Variants in CCDC154 observed in about 807,000 individuals in gnomAD.
CCDC154 encodes coiled-coil domain-containing protein 154.
Under a neutral mutation model 87.5 loss-of-function variants are expected in CCDC154, and 91 were observed. The ratio of observed to expected loss-of-function variants is 1.04; its 90% CI spans 0.88 to 1.24. The LOEUF is 1.24. Ranked by LOEUF, CCDC154 falls within the 50% of genes most tolerant of loss-of-function variation. CCDC154 has a pLI of 0.00. For synonymous variants in CCDC154, 418 were observed against 400.4 expected, an observed-to-expected ratio of 1.04 and a Z score of -0.52; for missense variants, 903 against 879.2, an observed-to-expected ratio of 1.03 and a Z score of -0.34.
At chr16:1,442,285 G>T in intron 6 of CCDC154, 121 bp downstream of exon 6, 1 of 1,147,106 alleles carries the variant, frequency 8.7e-7, no homozygotes, top group Non-Finnish European at 1.2e-6. Flanking sequence ...AACTATAGCT[G>T]ATTTCAGTGG....
chr16:1,437,416 A>G (rs2038511955), intron 11 of CCDC154: 2 of 198,092 alleles, frequency 1.0e-5, no homozygotes, highest in African/African-American at 4.7e-5. Flanking sequence ...ATGCTCTGAA[A>G]CTGTGAATAG....
At position 1,443,498 on chromosome 16, in the gene CCDC154, C is replaced by T; in HGVS notation, c.414+8G>A. On this transcript the variant is annotated splice_region_variant and intron_variant, in intron 3 of 16. Transcript: ENST00000389176. ...GCAGCTCGACCTGTGGGTGGGGGAG[C>T]CGCTCACCTCCGGCGCCTCCTTTTC... 1 of 1,454,156 alleles carries T rather than the reference C, an allele frequency of 6.9e-7. No individual in the cohort carries two copies. The allele number at this position is 1,454,156 out of a possible 1,614,324, so 90.1% of individuals were successfully genotyped here.
chr16:1,444,215 A>G lies in CCDC154; in HGVS notation c.7+101T>C, dbSNP rs953331549. 1.8e-5 allele frequency: 22 copies of G among 1,216,230 alleles called. No homozygotes were observed. In the African/African-American group the frequency reaches 3.1e-4, roughly 17 times the overall value. 75.3% of individuals were successfully genotyped at this position (1,216,230 alleles called of 1,614,324 possible). A position where few individuals can be genotyped will look rare whatever the true frequency, so the allele number is the denominator to read the frequency against. On this transcript the variant is annotated intron_variant, in intron 1 of 16. Transcript: ENST00000389176. ...AGACACACAGCACTGGGCGGCAGGA[A>G]CAAGCGAGCTGGAGGGAGCCCGGGG... is the stretch of plus-strand genomic sequence containing the variant.
In CCDC154 at chr16:1,434,427, G is replaced by A. The variant is rs2038479038; in HGVS notation, c.1985C>T (p.Ser662Leu). 1.9e-6 allele frequency: 3 copies of A among 1,550,284 alleles called. No homozygotes were observed. Among genetic ancestry groups the A allele is most frequent in the Non-Finnish European group, 2.6e-6 (3 of 1,146,918 alleles). The change falls in exon 17 of 17, where the codon TCA becomes TTA. Residue 662 changes from serine to leucine, a missense_variant. By Grantham distance (145) the Ser-to-Leu change is moderately radical. Coordinates refer to ENST00000389176, the MANE Select transcript of CCDC154 (RefSeq NM_001143980.3). ...SQEQVQQLTP[S>L]LFIQK The stretch of plus-strand genomic sequence containing the variant: ...GCACGTTTATTTCTGGATAAACAGT[G>A]AGGGTGTGAGCTGCTGCACCTGCTC...
chr16:1,437,515 G>A (rs900681649), intron 11 of CCDC154: 2 of 394,320 alleles, frequency 5.1e-6, no homozygotes, highest in Middle Eastern at 6.6e-4. Flanking sequence ...AAGAGCACGA[G>A]GGGTGGAGGC....
chr16:1,438,201 C>G, intron 9 of CCDC154, 25 bp from the exon 10 acceptor site: 4 of 1,499,870 alleles, frequency 2.7e-6, no homozygotes, highest in Non-Finnish European at 3.6e-6. Context: ...CACATAGACA[C>G]CCTCAGTGGA....
At position 1,438,948 on chromosome 16, in the gene CCDC154, G is replaced by A. The variant is rs757483668; in HGVS notation, c.778-5C>T. 5 of 1,548,858 alleles carry A rather than the reference G, an allele frequency of 3.2e-6. No individual in the cohort carries two copies. In the South Asian group the frequency reaches 4.8e-5, roughly 15 times the overall value. On this transcript the variant is annotated splice_polypyrimidine_tract_variant and splice_region_variant and intron_variant, in intron 7 of 16. Transcript: ENST00000389176. The stretch of plus-strand genomic sequence containing the variant: ...GCTCTCCGAGGCCTTCATTCTCTGT[G>A]GGGAGACCCCACTGTCAGCTGCAGG...
At chr16:1,441,101 C>G (rs1032219699) in intron 6 of CCDC154, among the ~76,000 whole-genome samples, 1 of 152,190 alleles carries the variant, frequency 6.6e-6, no homozygotes, top group African/African-American at 2.4e-5. Flanking sequence ...CCTGAACAAC[C>G]AGGCAATACC....
chr16:1,442,579 G>C, intron 5 of CCDC154, 50 bp from the exon 6 acceptor site: 1 of 1,473,160 alleles, frequency 6.8e-7, no homozygotes, highest in Non-Finnish European at 9.0e-7. Context: ...GGAGGGCCCA[G>C]CAGGGTGAGG....
chr16:1,441,335 G>A (rs2038550259), intron 6 of CCDC154, among the ~76,000 whole-genome samples: 1 of 152,226 alleles, frequency 6.6e-6, no homozygotes, highest in African/African-American at 2.4e-5. Flanking sequence ...TCCGGGCAGT[G>A]GAGCTATGTG....
At chr16:1,440,747 G>A (rs868743464) in intron 6 of CCDC154, among the ~76,000 whole-genome samples, 3 of 151,718 alleles carry the variant, frequency 2.0e-5, no homozygotes, top group Non-Finnish European at 2.9e-5. Flanking sequence ...TCAGGAGATC[G>A]AGACCATCCT....
chr16:1,441,767 C>T (rs1249497225), intron 6 of CCDC154, among the ~76,000 whole-genome samples: 4 of 152,126 alleles, frequency 2.6e-5, no homozygotes, highest in South Asian at 2.1e-4. Flanking sequence ...GCCGGCCCCA[C>T]GTGGCAACTG....
intron 15 of CCDC154, 52 bp from the exon 16 acceptor site, chr16:1,434,904 G>C: frequency 6.8e-7 from 1 of 1,459,888 alleles, no homozygotes; most frequent in Non-Finnish European, 9.0e-7. Flanking sequence ...CCGGGCAGGG[G>C]ATGGCAAACG....
chr16:1,439,643 G>A (rs2038534047), intron 6 of CCDC154, among the ~76,000 whole-genome samples: 1 of 152,178 alleles, frequency 6.6e-6, no homozygotes, highest in African/African-American at 2.4e-5. Context: ...GCCACGGAGA[G>A]GCGCCTCCCG....
At chr16:1,439,423 C>T (rs2038531853) in intron 6 of CCDC154, 1 of 450,852 alleles carries the variant, frequency 2.2e-6, no homozygotes, top group Non-Finnish European at 4.0e-6. Flanking sequence ...CCCCAGCCGC[C>T]ACCAGGCCCG....
rs2038477554 is a variant in CCDC154, at chr16:1,434,398, G to A, written c.*10C>T. Reference sequence around the variant, plus strand: ...GAACCTCAGCTCTAATGAGTACAAAGCCAGCACGTTTATTTCTGGATAAAC... The same window carrying A: ...GAACCTCAGCTCTAATGAGTACAAAACCAGCACGTTTATTTCTGGATAAAC... On this transcript the variant is annotated 3_prime_UTR_variant, in exon 17 of 17. Coordinates refer to ENST00000389176, the MANE Select transcript of CCDC154 (RefSeq NM_001143980.3). 3.2e-6 allele frequency: 5 copies of A among 1,550,028 alleles called. No homozygotes were observed. The highest frequency in any genetic ancestry group is 4.4e-6 in the Non-Finnish European group (5 of 1,146,738).
At chr16:1,440,500 G>GAAGAGAAGAGAAGAGAAGAGAAGAGAA (rs1567258640) in intron 6 of CCDC154, among the ~76,000 whole-genome samples, 21 of 147,308 alleles carry the variant, frequency 1.4e-4, no homozygotes, top group Non-Finnish European at 2.4e-4. Flanking sequence ...ACAGAAAAGA[G>GAAGAGAAGAGAAGAGAAGAGAAGAGAA]AAGAGAAGAG....
rs937582230 is a variant in CCDC154, at chr16:1,434,809, A to G, written c.1736T>C (p.Leu579Pro). The G allele has an allele frequency of 4.2e-5, 65 of 1,536,168 alleles. No individual in the cohort carries two copies. The highest frequency in any genetic ancestry group is 5.4e-5 in the Non-Finnish European group (62 of 1,144,518). The part of the protein sequence containing the change: ...MATLWESVLR[L>P]WSEEGPRTPL... ...CGTCCGCGGGCCCTCCTCACTCCAC[A>G]GCCGGAGCACACTCTCCCACAGGGT... The change falls in exon 16 of 17, where the codon CTG becomes CCG. Residue 579 changes from leucine (L) to proline (P), a missense_variant. By Grantham distance (98) the Leu-to-Pro change is moderately conservative (BLOSUM62 -3). Coordinates refer to ENST00000389176, the MANE Select transcript of CCDC154 (RefSeq NM_001143980.3).
At chr16:1,436,616 G>A in intron 12 of CCDC154, 76 bp downstream of exon 12, 3 of 1,546,342 alleles carry the variant, frequency 1.9e-6, no homozygotes, top group South Asian at 2.4e-5. Context: ...GAGGGGAGAG[G>A]ACAAGGTGCA....
Sources: gnomAD v4.1 joint callset for allele counts (sites outside exome capture counted in the v4.1 genomes callset) on GRCh38, gnomAD v4.1.1 for gene constraint, MANE v1.5 for transcripts, NCBI Gene and HGNC (gene_info 2026-07-23, HGNC 2026-07-21) for gene names.